RBFOX1: variants seen among roughly 807,000 people sequenced by gnomAD.
RBFOX1 encodes RNA binding fox-1 homolog 1.
Under a neutral mutation model 57.7 loss-of-function variants are expected in RBFOX1, and 8 were observed. That is an observed-to-expected ratio of 0.14 (90% CI 0.08 to 0.25). RBFOX1 has a LOEUF of 0.25. Among genes scored for constraint, RBFOX1 ranks in the 10% least tolerant of loss-of-function variants. The pLI is 1.00. For synonymous variants in RBFOX1, 326 were observed against 222.4 expected, an observed-to-expected ratio of 1.47 and a Z score of -4.15; for missense variants, 611 against 548.5, an observed-to-expected ratio of 1.11 and a Z score of -1.14.
At chr16:6,740,821 T>C (rs1299663028) in intron 3 of RBFOX1, among the ~76,000 whole-genome samples, 4 of 152,178 alleles carry the variant, frequency 2.6e-5, no homozygotes, top group Non-Finnish European at 5.9e-5. Context: ...GGTAATGCAA[T>C]CATTTCAAAA....
chr16:7,561,501 C>A (rs1004879705), intron 5 of RBFOX1, among the ~76,000 whole-genome samples: 22 of 152,222 alleles, frequency 1.4e-4, no homozygotes, highest in African/African-American at 5.1e-4. Flanking sequence ...TCCGAAATAT[C>A]CTGACTAGTG....
Position 7,653,799 on chromosome 16 carries a change from TC to T in RBFOX1, c.758-14del. On this transcript the variant is annotated splice_polypyrimidine_tract_variant and intron_variant, in intron 11 of 15. Transcript: ENST00000550418. The stretch of plus-strand genomic sequence containing the variant: ...ACAGCCTGTGCTCTCTCTCTCTCTC[TC>T]CTCTTGCCCCGCAGTGCCAGGCTTC... 3 of 1,607,580 alleles carry T rather than the reference TC, an allele frequency of 1.9e-6. No individual in the cohort carries two copies. Among genetic ancestry groups the T allele is most frequent in the South Asian group, 2.2e-5 (2 of 90,998 alleles).
chr16:7,330,665 C>G (rs934889384), intron 4 of RBFOX1, among the ~76,000 whole-genome samples: 3 of 152,146 alleles, frequency 2.0e-5, no homozygotes, highest in South Asian at 2.1e-4. Context: ...TACCTCTCTT[C>G]TATGCTCAGG....
At chr16:5,716,025 C>T (rs142959066) in intron 3 of RBFOX1, among the ~76,000 whole-genome samples, 1 of 152,252 alleles carries the variant, frequency 6.6e-6, no homozygotes, top group East Asian at 1.9e-4. Flanking sequence ...GTGGGCAAGG[C>T]AGGAATAAGG....
intron 4 of RBFOX1, among the ~76,000 whole-genome samples, chr16:7,374,423 C>G (rs1421374060): frequency 6.6e-6 from 1 of 152,180 alleles, no homozygotes; most frequent in Non-Finnish European, 1.5e-5. Flanking sequence ...CTGGATTATT[C>G]TGCTCAGTTG....
chr16:5,799,731 A>T (rs796678695), intron 3 of RBFOX1, among the ~76,000 whole-genome samples: 11 of 152,286 alleles, frequency 7.2e-5, no homozygotes, highest in African/African-American at 2.6e-4. Context: ...TTGACTTAAC[A>T]ATATTTTCAA....
intron 15 of RBFOX1, 156 bp from the exon 16 acceptor site, chr16:7,710,467 C>G (rs145767900): frequency 1.3e-6 from 2 of 1,494,754 alleles, no homozygotes; most frequent in African/African-American, 1.4e-5. Context: ...AGGAATGGCC[C>G]TATCTTTAGT....
chr16:6,162,904 T>C (rs1156557559), intron 1 of RBFOX1, among the ~76,000 whole-genome samples: 1 of 152,118 alleles, frequency 6.6e-6, no homozygotes, highest in Non-Finnish European at 1.5e-5. Flanking sequence ...AGGCTAATTT[T>C]TGTATTTTTA....
intron 4 of RBFOX1, among the ~76,000 whole-genome samples, chr16:7,221,147 C>G (rs1451506107): frequency 6.6e-6 from 1 of 152,066 alleles, no homozygotes; most frequent in Non-Finnish European, 1.5e-5. Flanking sequence ...ACTTGAATGT[C>G]TCTATAATAT....
chr16:6,788,863 T>G (rs2082424209), intron 3 of RBFOX1, among the ~76,000 whole-genome samples: 4 of 152,180 alleles, frequency 2.6e-5, no homozygotes, highest in Admixed American at 2.6e-4. Flanking sequence ...GCCTCACTTC[T>G]GAGAAATACT....
At chr16:5,655,110 A>T (rs953838093) in intron 3 of RBFOX1, among the ~76,000 whole-genome samples, 8 of 152,208 alleles carry the variant, frequency 5.3e-5, no homozygotes, top group Non-Finnish European at 1.2e-4. Flanking sequence ...GGGCTGACAG[A>T]TGGTGCCATC....
chr16:6,993,067 C>G (rs984833634), intron 3 of RBFOX1, among the ~76,000 whole-genome samples: 2 of 152,212 alleles, frequency 1.3e-5, no homozygotes, highest in East Asian at 3.9e-4. Context: ...TCCTCACAGT[C>G]ATTCCCTAAT....
chr16:6,162,515 A>G (rs1007836919), intron 1 of RBFOX1, among the ~76,000 whole-genome samples: 3 of 152,312 alleles, frequency 2.0e-5, no homozygotes, highest in African/African-American at 4.8e-5. Flanking sequence ...TATCTGTTTA[A>G]GGAACGAAAT....
At chr16:6,568,208 G>T (rs765413998) in intron 2 of RBFOX1, among the ~76,000 whole-genome samples, 1 of 152,186 alleles carries the variant, frequency 6.6e-6, no homozygotes, top group Non-Finnish European at 1.5e-5. Flanking sequence ...TGAGGTCCAG[G>T]AATCTGGGAG....
At chr16:6,769,996 A>G (rs1345181754) in intron 3 of RBFOX1, among the ~76,000 whole-genome samples, 16 of 152,082 alleles carry the variant, frequency 1.1e-4, no homozygotes, top group African/African-American at 1.4e-4. Flanking sequence ...TGAGATGGCT[A>G]TTTTTAAAGG....
rs1473595716 is a variant in RBFOX1, at chr16:6,822,165, C to T, written c.-16+167515C>T. Among the ~76,000 whole-genome samples the T allele has an allele frequency of 2.0e-5, 3 of 152,006 alleles. 1 individual carries two copies. In the East Asian group the frequency reaches 5.8e-4, roughly 29 times the overall value. On this transcript the variant is annotated intron_variant, in intron 3 of 15. Transcript: ENST00000550418. ...CAAAACGGGAGCTCGTGTGCCAAGT[C>T]GAGGCATTGTAAGAGGGGAGAATGA...
intron 2 of RBFOX1, among the ~76,000 whole-genome samples, chr16:6,648,139 G>A (rs776824421): frequency 9.2e-5 from 14 of 152,046 alleles, no homozygotes; most frequent in East Asian, 1.9e-4. Context: ...CACTGCACCC[G>A]GCTTCAAGTG....
intron 2 of RBFOX1, among the ~76,000 whole-genome samples, chr16:6,468,427 A>G (rs1179136325): frequency 2.0e-5 from 3 of 152,180 alleles, no homozygotes; most frequent in Non-Finnish European, 4.4e-5. Flanking sequence ...TGTAAAGAAT[A>G]CAATTATAGC....
chr16:5,787,934 CAA>C (rs1310645550), intron 3 of RBFOX1, among the ~76,000 whole-genome samples: 3 of 152,200 alleles, frequency 2.0e-5, no homozygotes, highest in African/African-American at 7.2e-5. Context: ...TGGGCAGAGA[CAA>C]GAGAGAGGCA....
Sources: gnomAD v4.1 joint callset for allele counts (sites outside exome capture counted in the v4.1 genomes callset) on GRCh38, gnomAD v4.1.1 for gene constraint, MANE v1.5 for transcripts, NCBI Gene and HGNC (gene_info 2026-07-23, HGNC 2026-07-21) for gene names.